Variants in SIRPA observed in about 807,000 individuals in gnomAD.
SIRPA encodes tyrosine-protein phosphatase non-receptor type substrate 1.
A neutral mutation model predicts 50.3 loss-of-function variants in SIRPA; 9 were observed. The ratio of observed to expected loss-of-function variants is 0.18; its 90% CI spans 0.11 to 0.31. The LOEUF is 0.31. SIRPA is among the 10% of genes least tolerant of loss of function. SIRPA has a pLI of 1.00. For missense variants in SIRPA, 474 were observed against 661.6 expected, an observed-to-expected ratio of 0.72 and a Z score of 3.11; for synonymous variants, 265 against 284.1, an observed-to-expected ratio of 0.93 and a Z score of 0.68.
At chr20:1,922,989 A>C (rs938315083) in intron 4 of SIRPA, among the ~76,000 whole-genome samples, 3 of 151,368 alleles carry the variant, frequency 2.0e-5, no homozygotes, top group Non-Finnish European at 4.4e-5. Context: ...CCTCTTCCCT[A>C]CTCTTTCTAG....
intron 1 of SIRPA, among the ~76,000 whole-genome samples, chr20:1,904,481 C>G (rs28706107): frequency 1.3e-5 from 2 of 152,126 alleles, no homozygotes; most frequent in Non-Finnish European, 2.9e-5. Flanking sequence ...TCAGACCACT[C>G]GGCAGCCCTG....
At chr20:1,925,862 T>C (rs1458137605) in intron 5 of SIRPA, among the ~76,000 whole-genome samples, 1 of 152,218 alleles carries the variant, frequency 6.6e-6, no homozygotes. Flanking sequence ...TGCAACCTTT[T>C]TTTATTACAA....
At chr20:1,923,899 G>A (rs1394443909) in intron 4 of SIRPA, among the ~76,000 whole-genome samples, 3 of 152,226 alleles carry the variant, frequency 2.0e-5, no homozygotes, top group Non-Finnish European at 2.9e-5. Flanking sequence ...GCTCAGCATT[G>A]TAGCTTCAGG....
At chr20:1,903,831 C>T (rs1984383325) in intron 1 of SIRPA, among the ~76,000 whole-genome samples, 1 of 152,194 alleles carries the variant, frequency 6.6e-6, no homozygotes. Context: ...ATCACTGGGC[C>T]AAATCTGCCT....
Position 1,922,617 on chromosome 20 carries a change from G to T in SIRPA, c.1059G>T (p.Pro353=), listed in dbSNP as rs192696489. 31 of 1,613,010 alleles carry T rather than the reference G, an allele frequency of 1.9e-5. No individual in the cohort carries two copies. Among genetic ancestry groups the T allele is most frequent in the Non-Finnish European group, 2.5e-5 (30 of 1,179,516 alleles). Residue 353 remains proline (P), a synonymous_variant, in exon 4 of 8, where the codon CCG becomes CCT. Coordinates refer to ENST00000358771, the MANE Select transcript of SIRPA (RefSeq NM_001040023.2). ...KSHDLKVSAH[P]KEQGSNTAAE... is the part of the protein sequence containing the mutation. ...ATGACCTGAAGGTCTCAGCCCACCC[G>T]AAGGAGCAGGGCTCAAATACCGCCG...
chr20:1,903,052 T>TGGAG (rs930109206), intron 1 of SIRPA, among the ~76,000 whole-genome samples: 1 of 123,344 alleles, frequency 8.1e-6, no homozygotes, highest in Non-Finnish European at 1.7e-5. Flanking sequence ...GAAAAGAAAA[T>TGGAG]GGAGGAGTAG....
Position 1,895,471 on chromosome 20 carries a change from C to G in SIRPA, c.24C>G (p.Pro8=), listed in dbSNP as rs1180465725. ...CCATGGAGCCCGCCGGCCCGGCCCCCGGCCGCCTCGGGCCGCTGCTCTGCC... is the reference window on the plus strand; with the variant it reads ...CCATGGAGCCCGCCGGCCCGGCCCCGGGCCGCCTCGGGCCGCTGCTCTGCC... The part of the protein sequence containing the change: MEPAGPA[P]GRLGPLLCLL... Residue 8 remains proline (P), a synonymous_variant, in exon 1 of 8, where the codon CCC becomes CCG. Coordinates refer to ENST00000358771, the MANE Select transcript of SIRPA (RefSeq NM_001040023.2). 1 of 1,431,626 alleles carries G rather than the reference C, an allele frequency of 7.0e-7. No individual in the cohort carries two copies. The allele number at this position is 1,431,626 out of a possible 1,614,324, so 88.7% of individuals were successfully genotyped here.
chr20:1,934,883 C>T lies in SIRPA; in HGVS notation c.1266+129C>T. 2.0e-6 allele frequency: 2 copies of T among 986,742 alleles called. No individual in the cohort carries two copies. Among genetic ancestry groups the T allele is most frequent in the South Asian group, 1.4e-5 (1 of 72,114 alleles). 61.1% of individuals were successfully genotyped at this position (986,742 alleles called of 1,614,324 possible). Reference sequence around the variant, plus strand: ...GTGGAGGGTGGAGGATCTTACACTCCTAGCTTTCCCCATGTCCTGTGCATA... The same window carrying T: ...GTGGAGGGTGGAGGATCTTACACTCTTAGCTTTCCCCATGTCCTGTGCATA... On this transcript the variant is annotated intron_variant, in intron 7 of 7. Transcript: ENST00000358771. This position sits in a 1 kb window ranked among gnomAD's most constrained non-coding sequence, Gnocchi z 4.6.
intron 1 of SIRPA, among the ~76,000 whole-genome samples, chr20:1,900,784 C>CG (rs1555768425): frequency 2.2e-4 from 33 of 152,308 alleles, no homozygotes; most frequent in Non-Finnish European, 4.4e-5. Flanking sequence ...CCGAATTCCC[C>CG]GGGAAAACAC....
chr20:1,904,257 T>G (rs562346880), intron 1 of SIRPA, among the ~76,000 whole-genome samples: 1 of 152,316 alleles, frequency 6.6e-6, no homozygotes, highest in African/African-American at 2.4e-5. Context: ...CCCCGGAATT[T>G]GTACTTAAAA....
chr20:1,895,229 A>G (rs1983707982), upstream of SIRPA: 1 of 404,668 alleles, frequency 2.5e-6, no homozygotes, highest in South Asian at 5.1e-5. Flanking sequence ...GGTCTCTCCC[A>G]GTCTCCGTCT....
rs1182420620 is a variant in SIRPA at position 1,915,248 on chromosome 20, G to A, written c.229G>A (p.Glu77Lys). The A allele has an allele frequency of 4.3e-6, 7 of 1,612,380 alleles. No homozygotes were observed. In the South Asian group the frequency reaches 4.4e-5, roughly 10 times the overall value. ...QWFRGAGPGR[E>K]LIYNQKEGHF... ...GTTCAGAGGAGCTGGACCAGGCCGG[G>A]AATTAATCTACAATCAAAAAGAAGG... The change falls in exon 2 of 8, where the codon GAA becomes AAA. Residue 77 changes from glutamate (E) to lysine (K), a missense_variant. Around this residue, in one of 4 missense-constraint regions of SIRPA, gnomAD observed 221 missense variants for 359.9 expected, o/e 0.61. Transcript: ENST00000358771.
chr20:1,894,597 G>C (rs1474303204), upstream of SIRPA: 1 of 151,476 alleles, frequency 6.6e-6, no homozygotes, highest in Non-Finnish European at 1.5e-5. The surrounding 1 kb of genome is among the most constrained non-coding windows in gnomAD (Gnocchi z 4.0). Context: ...TTCTGAACGG[G>C]CACGCTGTCG....
At position 1,937,253 on chromosome 20, in the gene SIRPA, G is replaced by T; in HGVS notation, c.1267-67G>T. 6.4e-7 allele frequency: 1 copy of T among 1,552,350 alleles called. No homozygotes were observed. Among genetic ancestry groups the T allele is most frequent in the South Asian group, 1.2e-5 (1 of 82,842 alleles). The stretch of plus-strand genomic sequence containing the variant: ...AGCATCCAGACTTGGTATTCAGTTT[G>T]AGTGAGTGGGCCAGGGGCTATAGAA... On this transcript the variant is annotated intron_variant, in intron 7 of 7. Transcript: ENST00000358771. This position sits in a 1 kb window ranked among gnomAD's most constrained non-coding sequence, Gnocchi z 8.3.
intron 1 of SIRPA, 68 bp downstream of exon 1, chr20:1,895,594 C>A: frequency 1.7e-6 from 2 of 1,204,602 alleles, no homozygotes; most frequent in Non-Finnish European, 2.2e-6. Flanking sequence ...CAGACTGGCA[C>A]TGGGACCCCT....
chr20:1,915,340 C>A lies in SIRPA; in HGVS notation c.321C>A (p.Arg107=). The part of the protein sequence containing the change: ...TKRNNMDFSI[R]IGNITPADAG... ...GAAACAACATGGACTTTTCCATCCGCATCGGTAACATCACCCCAGCAGATG... is the reference window on the plus strand; with the variant it reads ...GAAACAACATGGACTTTTCCATCCGAATCGGTAACATCACCCCAGCAGATG... The change falls in exon 2 of 8, where the codon CGC becomes CGA. Residue 107 remains arginine, a synonymous_variant. Transcript: ENST00000358771. 4.3e-6 allele frequency: 7 copies of A among 1,612,798 alleles called. No homozygotes were observed. Among genetic ancestry groups the A allele is most frequent in the Non-Finnish European group, 5.9e-6 (7 of 1,179,294 alleles).
At position 1,940,207 on chromosome 20, in the gene SIRPA, A is replaced by G. The variant is rs983327609; in HGVS notation, c.*2639A>G. The G allele has an allele frequency of 1.1e-4, 16 of 152,352 alleles. No homozygotes were observed. Among genetic ancestry groups the G allele is most frequent in the African/African-American group, 2.4e-4 (10 of 41,572 alleles). 9.4% of individuals were successfully genotyped at this position (152,352 alleles called of 1,614,324 possible). A position where few individuals can be genotyped will look rare whatever the true frequency, so the allele number is the denominator to read the frequency against. Reference sequence around the variant, plus strand: ...GAGACTTGGGCCCCGCGTCGGCACAATGGGGCAGGAATAGTCCCTGCCAGG... The same window carrying G: ...GAGACTTGGGCCCCGCGTCGGCACAGTGGGGCAGGAATAGTCCCTGCCAGG... On this transcript the variant is annotated 3_prime_UTR_variant, in exon 8 of 8. Coordinates refer to ENST00000358771, the MANE Select transcript of SIRPA (RefSeq NM_001040023.2).
chr20:1,922,241 G>A (rs932866373), intron 3 of SIRPA, 72 bp from the exon 4 acceptor site: 3 of 1,588,886 alleles, frequency 1.9e-6, no homozygotes, highest in Admixed American at 3.5e-5. Flanking sequence ...TGGTGGGGGA[G>A]CTACGTTATG....
At position 1,927,852 on chromosome 20, in the gene SIRPA, C is replaced by G; in HGVS notation, c.1202-23C>G. The G allele has an allele frequency of 6.2e-7, 1 of 1,613,144 alleles. No individual in the cohort carries two copies. Among genetic ancestry groups the G allele is most frequent in the Non-Finnish European group, 8.5e-7 (1 of 1,179,104 alleles). On this transcript the variant is annotated intron_variant, in intron 5 of 7. Coordinates refer to ENST00000358771, the MANE Select transcript of SIRPA (RefSeq NM_001040023.2). This position sits in a 1 kb window ranked among gnomAD's most constrained non-coding sequence, Gnocchi z 6.5. ...AGTGTGCTTCTAGTTAAACAACTGG[C>G]TTTTGTTTCTTTTGTCTTTCAGCCC... is the stretch of plus-strand genomic sequence containing the variant.
Sources: gnomAD v4.1 joint callset for allele counts (sites outside exome capture counted in the v4.1 genomes callset) on GRCh38, gnomAD v4.1.1 for gene constraint, gnomAD v4.1.1 regional missense constraint, Gnocchi (gnomAD v3.1) non-coding constraint, MANE v1.5 for transcripts, NCBI Gene and HGNC (gene_info 2026-07-23, HGNC 2026-07-21) for gene names.